The following DIP2C variants were observed in gnomAD, a reference collection of about 807,000 sequenced individuals.
DIP2C encodes DIP2 acetate--CoA ligase C (putative), also known as disco-interacting protein 2 homolog C.
DIP2C carries 33 observed loss-of-function variants against 192.4 expected under a neutral mutation model. The observed-to-expected ratio is 0.17, with a 90% confidence interval of 0.13 to 0.23. The LOEUF is 0.23. DIP2C is among the 10% of genes least tolerant of loss of function. The probability of loss-of-function intolerance (pLI) is 1.00; values close to 1 mark genes in which losing one functional copy is unlikely to be tolerated. For missense variants in DIP2C, 1,537 were observed against 2,110.1 expected (o/e 0.73, Z 5.32); for synonymous variants, 979 against 864.1 (o/e 1.13, Z -2.33).
chr10:419,049 C>G lies in DIP2C; in HGVS notation c.739+16G>C, dbSNP rs1320184679. ...CCGTTTACCAGAAAAAAACGCATCT[C>G]TCCTTTGGGACGTACCATCCCCGGT... On this transcript the variant is annotated intron_variant, in intron 6 of 36. Coordinates refer to ENST00000280886, the MANE Select transcript of DIP2C (RefSeq NM_014974.3). The G allele has an allele frequency of 1.2e-6, 2 of 1,614,208 alleles. No homozygotes were observed. The highest frequency in any genetic ancestry group is 1.7e-6 in the Non-Finnish European group (2 of 1,180,024).
intron 23 of DIP2C, among the ~76,000 whole-genome samples, chr10:357,197 C>T (rs1589593994): frequency 1.3e-5 from 2 of 152,184 alleles, no homozygotes; most frequent in South Asian, 2.1e-4. Context: ...ACAGGAAGGC[C>T]GAACGGTTCT....
At chr10:281,060 A>C in intron 36 of DIP2C, 140 bp downstream of exon 36, 3 of 1,225,550 alleles carry the variant, frequency 2.4e-6, no homozygotes, top group Non-Finnish European at 3.4e-6. Context: ...CCCAAAAGAT[A>C]AAGATTTATA....
chr10:435,940 A>C (rs1967144889), intron 4 of DIP2C, among the ~76,000 whole-genome samples: 1 of 152,020 alleles, frequency 6.6e-6, no homozygotes, highest in Non-Finnish European at 1.5e-5. Flanking sequence ...ATAGAACTTT[A>C]AACCTACTTT....
intron 1 of DIP2C, among the ~76,000 whole-genome samples, chr10:565,382 AACAC>A (rs145261695): frequency 6.6e-6 from 1 of 151,290 alleles, no homozygotes; most frequent in Non-Finnish European, 1.5e-5. Flanking sequence ...GACCTAGACA[AACAC>A]ACACAACCCC....
intron 2 of DIP2C, among the ~76,000 whole-genome samples, chr10:480,924 C>T (rs1260022810): frequency 6.6e-6 from 1 of 152,194 alleles, no homozygotes. Flanking sequence ...TGGACACCCA[C>T]GTTTCCCCTC....
chr10:377,747 CTTCT>C (rs1271153290), intron 17 of DIP2C, among the ~76,000 whole-genome samples: 2 of 152,176 alleles, frequency 1.3e-5, no homozygotes, highest in African/African-American at 2.4e-5. Context: ...GCGGACACGT[CTTCT>C]TTGATTTTTC....
At chr10:483,795 G>A (rs1198894406) in intron 2 of DIP2C, among the ~76,000 whole-genome samples, 1 of 152,100 alleles carries the variant, frequency 6.6e-6, no homozygotes, top group African/African-American at 2.4e-5. Context: ...TAATAATAAA[G>A]TTTGCCTCTA....
At chr10:572,337 G>GT (rs1422274145) in intron 1 of DIP2C, among the ~76,000 whole-genome samples, 2 of 152,208 alleles carry the variant, frequency 1.3e-5, no homozygotes, top group African/African-American at 4.8e-5. Context: ...TTATATTGCA[G>GT]TTAACTGTGC....
chr10:664,980 T>C (rs1404161391), intron 1 of DIP2C: 3 of 152,180 alleles, frequency 2.0e-5, no homozygotes, highest in Non-Finnish European at 4.4e-5. Flanking sequence ...AGAAAATATC[T>C]ACTGAATCGC....
At chr10:459,447 C>A (rs778776021) in intron 3 of DIP2C, among the ~76,000 whole-genome samples, 2 of 152,224 alleles carry the variant, frequency 1.3e-5, no homozygotes, top group Non-Finnish European at 2.9e-5. Context: ...GAGAGGGCAG[C>A]CCAAGCCATG....
intron 3 of DIP2C, among the ~76,000 whole-genome samples, chr10:444,982 T>G (rs1968043914): frequency 6.6e-6 from 1 of 152,262 alleles, no homozygotes; most frequent in South Asian, 2.1e-4. Flanking sequence ...GTACACATTT[T>G]AAAGAAACTG....
At chr10:511,046 G>C (rs776531449) in intron 1 of DIP2C, among the ~76,000 whole-genome samples, 4 of 152,232 alleles carry the variant, frequency 2.6e-5, no homozygotes, top group East Asian at 3.8e-4. Flanking sequence ...CTTTGTTCAA[G>C]AGGTTTAAGA....
At chr10:477,074 A>G (rs559360803) in intron 2 of DIP2C, among the ~76,000 whole-genome samples, 9 of 150,856 alleles carry the variant, frequency 6.0e-5, no homozygotes, top group Admixed American at 1.3e-4. Flanking sequence ...AAGACCACAA[A>G]TAAAACTTGA....
intron 31 of DIP2C, among the ~76,000 whole-genome samples, chr10:312,747 C>A (rs1956617641): frequency 6.6e-6 from 1 of 152,114 alleles, no homozygotes; most frequent in East Asian, 1.9e-4. Context: ...AAGTAACTCG[C>A]CAATAAAGGT....
intron 1 of DIP2C, among the ~76,000 whole-genome samples, chr10:683,835 A>G (rs1276772848): frequency 6.6e-6 from 1 of 152,238 alleles, no homozygotes; most frequent in Non-Finnish European, 1.5e-5. Context: ...AAAAAAAATC[A>G]GTTCTAAAAA....
At chr10:534,264 C>T (rs1847573556) in intron 1 of DIP2C, among the ~76,000 whole-genome samples, 1 of 152,212 alleles carries the variant, frequency 6.6e-6, no homozygotes, top group African/African-American at 2.4e-5. Flanking sequence ...AGGTGCAACT[C>T]TCACTTCATC....
chr10:289,055 T>C (rs1276498461), intron 32 of DIP2C, among the ~76,000 whole-genome samples: 1 of 152,366 alleles, frequency 6.6e-6, no homozygotes, highest in Admixed American at 6.5e-5. Flanking sequence ...CCTTCACTAC[T>C]GGTTTTGCAT....
chr10:547,896 C>T (rs1454050011), intron 1 of DIP2C, among the ~76,000 whole-genome samples: 1 of 152,190 alleles, frequency 6.6e-6, no homozygotes, highest in South Asian at 2.1e-4. Flanking sequence ...CACCACCCCA[C>T]CCGCAGCTGC....
intron 6 of DIP2C, among the ~76,000 whole-genome samples, chr10:417,725 TC>T (rs1442583492): frequency 1.4e-5 from 2 of 138,304 alleles, no homozygotes; most frequent in South Asian, 4.7e-4. Context: ...GGCCTCCCTG[TC>T]TGCCTGCGCC....
Sources: allele counts gnomAD v4.1 joint callset (sites outside exome capture counted in the v4.1 genomes callset), GRCh38; gene constraint gnomAD v4.1.1; transcripts MANE v1.5; gene names NCBI Gene and HGNC (gene_info 2026-07-23, HGNC 2026-07-21).